Variants in WDR35 observed in about 807,000 individuals in gnomAD.
The protein encoded by WDR35 is WD repeat domain 35, also known as WD repeat-containing protein 35.
A neutral mutation model predicts 158.3 loss-of-function variants in WDR35; 118 were observed. The observed-to-expected ratio is 0.75, with a 90% CI of 0.64 to 0.87. The LOEUF (loss-of-function observed/expected upper bound fraction) is 0.87, where lower values mean the gene tolerates loss of function less well. Among genes scored for constraint, WDR35 ranks in the 40% least tolerant of loss-of-function variants. The probability of loss-of-function intolerance (pLI) is 0.00; values close to 1 mark genes in which losing one functional copy is unlikely to be tolerated. For missense variants in WDR35, 1,263 were observed against 1,405.8 expected (o/e 0.90, Z 1.62); for synonymous variants, 448 against 476.1 (o/e 0.94, Z 0.77).
rs1670767181 is a variant in WDR35, at chr2:19,938,421, C to CA, written c.1927-21dup. On this transcript the variant is annotated intron_variant, in intron 17 of 26. Transcript: ENST00000281405. ...TGGATCCTAAAAGTAAAGATGAAAA[C>CA]AAAAAAATTCAAATATTTGCCGTTA... 6.3e-7 allele frequency: 1 copy of CA among 1,597,312 alleles called. No individual in the cohort carries two copies. The highest frequency in any genetic ancestry group is 8.5e-7 in the Non-Finnish European group (1 of 1,171,064).
intron 8 of WDR35, among the ~76,000 whole-genome samples, chr2:19,971,051 TA>T (rs1368928206): frequency 9.8e-5 from 14 of 143,208 alleles, no homozygotes; most frequent in African/African-American, 3.4e-4. Flanking sequence ...AAATTTAAAA[TA>T]AATAAACAGT....
At chr2:19,955,103 C>A (rs1671382453) in intron 11 of WDR35, among the ~76,000 whole-genome samples, 1 of 152,134 alleles carries the variant, frequency 6.6e-6, no homozygotes, top group Admixed American at 6.5e-5. Context: ...CAGGCACGCA[C>A]CACCACGCCC....
intron 25 of WDR35, among the ~76,000 whole-genome samples, chr2:19,930,118 C>T (rs1670479263): frequency 6.6e-6 from 1 of 150,778 alleles, no homozygotes; most frequent in South Asian, 2.1e-4. Context: ...AAAATATGAA[C>T]TTGGCTATGA....
At position 19,952,083 on chromosome 2, in the gene WDR35, TG is replaced by T. The variant is rs151223435; in HGVS notation, c.1401-600del. On this transcript the variant is annotated intron_variant, in intron 12 of 26. Transcript: ENST00000281405. ...GTTATATGGATATATTGAGTAGTGGTGATGTCTGGGCTTTTAGTGCAACCAC... is the reference window on the plus strand; with the variant it reads ...GTTATATGGATATATTGAGTAGTGGTATGTCTGGGCTTTTAGTGCAACCAC... Among the ~76,000 whole-genome samples, 2,261 of 152,236 alleles carry T rather than the reference TG, an allele frequency of 0.015. 66 individuals carry two copies. Among genetic ancestry groups the T allele is most frequent in the African/African-American group, 0.051 (2,124 of 41,514 alleles).
Position 19,969,622 on chromosome 2 carries a change from T to A in WDR35, c.883-17A>T. 1 of 1,612,280 alleles carries A rather than the reference T, an allele frequency of 6.2e-7. No homozygotes were observed. The highest frequency in any genetic ancestry group is 1.7e-5 in the Admixed American group (1 of 60,004). ...ACCCAGATGCTGAAAAAGAAAGTTA[T>A]CTTTAACCTAAAGTATAACAATTAA... is the stretch of plus-strand genomic sequence containing the variant. On this transcript the variant is annotated splice_polypyrimidine_tract_variant and intron_variant, in intron 8 of 26. Coordinates refer to ENST00000281405, the MANE Select transcript of WDR35 (RefSeq NM_020779.4).
At chr2:19,960,712 T>G in intron 10 of WDR35, 98 bp from the exon 11 acceptor site, 1 of 923,960 alleles carries the variant, frequency 1.1e-6, no homozygotes, top group East Asian at 2.6e-5. Flanking sequence ...TTTCAAGTAT[T>G]GCTAACTGGG....
In WDR35 at chr2:19,945,944, C is replaced by T; in HGVS notation, c.1687G>A (p.Ala563Thr). The T allele has an allele frequency of 6.2e-7, 1 of 1,613,924 alleles. No homozygotes were observed. ...TGTCCCGTACTGTCCGTTACTCGAG[C>T]ATCCAAGTCAAAGAAAGTCAGAACT... ...SGVLTFFDLD[A>T]RVTDSTGQQV... The change falls in exon 16 of 27, where the codon GCT becomes ACT. Residue 563 changes from alanine to threonine, a missense_variant. Transcript: ENST00000281405.
chr2:19,945,787 T>C lies in WDR35; in HGVS notation c.1844A>G (p.Glu615Gly), dbSNP rs267607174. Residue 615 changes from glutamate (E) to glycine (G), a missense_variant and splice_region_variant, in exon 16 of 27, where the codon GAG becomes GGG. By Grantham distance (98) the Glu-to-Gly change is moderately conservative. Coordinates refer to ENST00000281405, the MANE Select transcript of WDR35 (RefSeq NM_020779.4). ...TTAACACTCATTTCTTGTTTTTACC[T>C]CAGGATCCAAGTTTCTGAAAACATA... ...RMYVFRNLDP[E>G]EPIQTSGYIC... 1 of 1,613,834 alleles carries C rather than the reference T, an allele frequency of 6.2e-7. No individual in the cohort carries two copies. Among genetic ancestry groups the C allele is most frequent in the Non-Finnish European group, 8.5e-7 (1 of 1,179,766 alleles).
Position 19,932,409 on chromosome 2 carries a change from C to T in WDR35, c.2697G>A (p.Met899Ile). Residue 899 changes from methionine to isoleucine, a missense_variant, in exon 23 of 27, where the codon ATG becomes ATA. Coordinates refer to ENST00000281405, the MANE Select transcript of WDR35 (RefSeq NM_020779.4). Reference sequence around the variant, plus strand: ...TAGCTAACAGAGATCCAATTTCTTTCATACTATGATTTTTAGCCAATTCAA... The same window carrying T: ...TAGCTAACAGAGATCCAATTTCTTTTATACTATGATTTTTAGCCAATTCAA... Reference protein sequence around the residue: ...KAVELAKNHSMKEIGSLLARY... With the variant: ...KAVELAKNHSIKEIGSLLARY... The T allele has an allele frequency of 1.2e-6, 2 of 1,613,258 alleles. No homozygotes were observed. Among genetic ancestry groups the T allele is most frequent in the Non-Finnish European group, 1.7e-6 (2 of 1,179,530 alleles).
chr2:19,920,703 C>T (rs1572310355), intron 25 of WDR35, among the ~76,000 whole-genome samples: 1 of 152,274 alleles, frequency 6.6e-6, no homozygotes, highest in South Asian at 2.1e-4. Context: ...CACTCCTATT[C>T]AACACAGTAT....
intron 25 of WDR35, among the ~76,000 whole-genome samples, chr2:19,928,935 T>A (rs1289002413): frequency 1.3e-5 from 2 of 152,136 alleles, no homozygotes. Context: ...GCCTCCCAAG[T>A]AGCTGGGACT....
intron 12 of WDR35, 46 bp from the exon 13 acceptor site, chr2:19,951,530 T>C (rs200634072): frequency 9.9e-6 from 14 of 1,418,316 alleles, no homozygotes; most frequent in East Asian, 9.5e-5. Flanking sequence ...GTATAGTTTA[T>C]ACTATTTCAT....
chr2:19,989,126 C>T (rs772771177), intron 2 of WDR35, 39 bp downstream of exon 2: 82 of 1,570,390 alleles, frequency 5.2e-5, no homozygotes, highest in Non-Finnish European at 6.8e-5. Context: ...ATAACATTAG[C>T]CAATTTACTA....
chr2:19,916,309 G>T (rs75021656), intron 25 of WDR35, among the ~76,000 whole-genome samples: 3 of 152,110 alleles, frequency 2.0e-5, no homozygotes, highest in Non-Finnish European at 2.9e-5. Flanking sequence ...AAAACTGGGC[G>T]GCCGTTTGAG....
chr2:19,948,170 C>A lies in WDR35; in HGVS notation c.1518G>T (p.Leu506Phe). 1 of 1,607,652 alleles carries A rather than the reference C, an allele frequency of 6.2e-7. No homozygotes were observed. The highest frequency in any genetic ancestry group is 1.1e-5 in the South Asian group (1 of 89,806). The change falls in exon 14 of 27, where the codon TTG becomes TTT. Residue 506 changes from leucine to phenylalanine, a missense_variant. Leu to Phe is a conservative substitution (Grantham distance 22, BLOSUM62 0). Transcript: ENST00000281405. ...AAGTTTTTGCAAAACTTACCACAAT[C>A]AATATCTTATCTGATGCAGTTATGG... ...ICAITASDKI[L>F]IVGRESGTIQ...
intron 2 of WDR35, among the ~76,000 whole-genome samples, chr2:19,985,186 GCTCT>G (rs1260568803): frequency 1.3e-5 from 2 of 152,064 alleles, no homozygotes; most frequent in Non-Finnish European, 2.9e-5. Flanking sequence ...GGCTTCCAGG[GCTCT>G]CTATTTCCTC....
chr2:19,933,420 G>T lies in WDR35; in HGVS notation c.2639C>A (p.Thr880Asn), dbSNP rs1440666396. 1.2e-6 allele frequency: 2 copies of T among 1,613,616 alleles called. No individual in the cohort carries two copies. Among genetic ancestry groups the T allele is most frequent in the Admixed American group, 1.7e-5 (1 of 59,990 alleles). Reference sequence around the variant, plus strand: ...TCCTACTTGGTTGAGATGTACGCAGGTATCTACTGCTGCCTTTGGTTGACT... The same window carrying T: ...TCCTACTTGGTTGAGATGTACGCAGTTATCTACTGCTGCCTTTGGTTGACT... ...KCSQPKAAVDTCVHLNQWNKA... is the reference protein window; with the variant it reads ...KCSQPKAAVDNCVHLNQWNKA... Residue 880 changes from threonine to asparagine, a missense_variant, in exon 22 of 27, where the codon ACC (threonine) becomes AAC (asparagine). Coordinates refer to ENST00000281405, the MANE Select transcript of WDR35 (RefSeq NM_020779.4).
intron 11 of WDR35, among the ~76,000 whole-genome samples, chr2:19,956,060 G>A (rs1558343862): frequency 6.6e-6 from 1 of 152,146 alleles, no homozygotes; most frequent in East Asian, 1.9e-4. Context: ...AGCCTCCAGG[G>A]TGCGCTCCTG....
At chr2:19,921,600 C>CA (rs1558322246) in intron 25 of WDR35, among the ~76,000 whole-genome samples, 1 of 152,052 alleles carries the variant, frequency 6.6e-6, no homozygotes, top group Non-Finnish European at 1.5e-5. Context: ...AAGACTTAAA[C>CA]GTAAGACCTA....
Sources: allele counts gnomAD v4.1 joint callset (sites outside exome capture counted in the v4.1 genomes callset), GRCh38; gene constraint gnomAD v4.1.1; transcripts MANE v1.5; gene names NCBI Gene and HGNC (gene_info 2026-07-23, HGNC 2026-07-21).